VDAC2: variants seen among roughly 807,000 people sequenced by gnomAD.
The protein encoded by VDAC2 is non-selective voltage-gated ion channel VDAC2.
VDAC2 carries 6 observed loss-of-function variants against 36.6 expected under a neutral mutation model. That is an observed-to-expected ratio of 0.16 (90% confidence interval 0.09 to 0.32). The LOEUF (loss-of-function observed/expected upper bound fraction) is 0.32. Among genes scored for constraint, VDAC2 ranks in the 10% least tolerant of loss-of-function variants. The pLI, the probability that VDAC2 is intolerant of heterozygous loss-of-function variation, is 1.00. For missense variants in VDAC2, 247 were observed against 346.0 expected, an observed-to-expected ratio of 0.71 and a Z score of 2.27; for synonymous variants, 109 against 123.8, an observed-to-expected ratio of 0.88 and a Z score of 0.79.
At chr10:75,227,817 C>A (rs547044686) in intron 8 of VDAC2, among the ~76,000 whole-genome samples, 57 of 151,896 alleles carry the variant, frequency 3.8e-4, no homozygotes, top group Non-Finnish European at 6.3e-4. Flanking sequence ...GAACTCCTGA[C>A]CTTGTGATCC....
At chr10:75,216,342 A>C (rs1290009996) in intron 4 of VDAC2, among the ~76,000 whole-genome samples, 1 of 152,238 alleles carries the variant, frequency 6.6e-6, no homozygotes, top group Admixed American at 6.5e-5. Context: ...TTGGATAATC[A>C]AATCTTTGTT....
intron 4 of VDAC2, 110 bp downstream of exon 4, chr10:75,214,180 G>T: frequency 2.6e-6 from 3 of 1,158,024 alleles, no homozygotes; most frequent in South Asian, 2.7e-5. Flanking sequence ...AGAGGCAGAA[G>T]TTAACTTTGT....
intron 4 of VDAC2, among the ~76,000 whole-genome samples, chr10:75,217,143 G>C (rs1590001934): frequency 6.6e-6 from 1 of 152,150 alleles, no homozygotes; most frequent in African/African-American, 2.4e-5. Flanking sequence ...TGAAGTCCCA[G>C]CTACTTGGGA....
intron 6 of VDAC2, among the ~76,000 whole-genome samples, chr10:75,219,699 G>C (rs938109936): frequency 6.6e-6 from 1 of 151,526 alleles, no homozygotes; most frequent in African/African-American, 2.4e-5. Context: ...TGGCCAGGCT[G>C]TCCTGGAACT....
At chr10:75,230,874 T>G in intron 9 of VDAC2, 24 bp from the exon 10 acceptor site, 1 of 1,603,754 alleles carries the variant, frequency 6.2e-7, no homozygotes, top group South Asian at 1.1e-5. Flanking sequence ...GGTTTTTTGT[T>G]TTTGTGTTTT....
chr10:75,211,330 C>A, intron 2 of VDAC2, 141 bp downstream of exon 2: 1 of 1,412,340 alleles, frequency 7.1e-7, no homozygotes, highest in Non-Finnish European at 9.6e-7. Flanking sequence ...GTCTGACCAC[C>A]TCCTCTGCGG....
At chr10:75,216,233 A>G (rs1046958475) in intron 4 of VDAC2, among the ~76,000 whole-genome samples, 1 of 152,186 alleles carries the variant, frequency 6.6e-6, no homozygotes, top group South Asian at 2.1e-4. Context: ...AAGGCCTTCT[A>G]AAAAAGATTC....
intron 2 of VDAC2, 105 bp from the exon 3 acceptor site, chr10:75,212,125 A>C (rs1841442319): frequency 9.9e-7 from 1 of 1,013,096 alleles, no homozygotes; most frequent in Non-Finnish European, 1.5e-6. Context: ...ATTCCAACAA[A>C]TGGGATTGCT....
chr10:75,216,105 T>G (rs1217260294), intron 4 of VDAC2, among the ~76,000 whole-genome samples: 1 of 152,248 alleles, frequency 6.6e-6, no homozygotes. Flanking sequence ...AGGTGTTTAG[T>G]TATGATTGGA....
chr10:75,219,288 T>A lies in VDAC2; in HGVS notation c.304-16T>A. 1 of 1,582,092 alleles carries A rather than the reference T, an allele frequency of 6.3e-7. No individual in the cohort carries two copies. Among genetic ancestry groups the A allele is most frequent in the Non-Finnish European group, 8.6e-7 (1 of 1,167,428 alleles). On this transcript the variant is annotated splice_polypyrimidine_tract_variant and intron_variant, in intron 5 of 9. Coordinates refer to ENST00000332211, the MANE Select transcript of VDAC2 (RefSeq NM_001391963.1). ...ATTTCAAAAAAAGAAAACAAATTAC[T>A]TTTCTTTCAAAATAGATTTGTCAAG...
chr10:75,225,637 GA>G (rs1348354104), intron 8 of VDAC2, among the ~76,000 whole-genome samples: 1 of 152,180 alleles, frequency 6.6e-6, no homozygotes, highest in African/African-American at 2.4e-5. Flanking sequence ...AGGAAAAAAA[GA>G]ACAAAGTGTT....
chr10:75,229,395 C>T (rs1014838928), intron 8 of VDAC2: 9 of 327,078 alleles, frequency 2.8e-5, no homozygotes, highest in Admixed American at 1.0e-4. Flanking sequence ...GCTGTATGGA[C>T]AGTTTGGGGT....
chr10:75,231,018 A>G lies in VDAC2; in HGVS notation c.*29A>G, dbSNP rs1804199. On this transcript the variant is annotated 3_prime_UTR_variant, in exon 10 of 10. Coordinates refer to ENST00000332211, the MANE Select transcript of VDAC2 (RefSeq NM_001391963.1). The stretch of plus-strand genomic sequence containing the variant: ...AGCTGAAAGAAACCTTTGGGAATGG[A>G]TATCAGAAGATTTGGCCTTAATATA... The G allele has an allele frequency of 4.9e-3, 7,589 of 1,556,922 alleles. 226 individuals carry two copies. The East Asian group carries it at 0.064, about 13-fold the overall frequency.
chr10:75,230,467 T>C (rs1842070380), intron 9 of VDAC2, among the ~76,000 whole-genome samples: 1 of 152,202 alleles, frequency 6.6e-6, no homozygotes, highest in Admixed American at 6.5e-5. Flanking sequence ...CATTTTTCTT[T>C]ATAAGCACAA....
chr10:75,221,442 C>A (rs562934666), intron 7 of VDAC2, among the ~76,000 whole-genome samples: 1 of 152,146 alleles, frequency 6.6e-6, no homozygotes, highest in Admixed American at 6.5e-5. Context: ...AAACAATTCT[C>A]CTGCCTCAAC....
chr10:75,226,474 T>TTTA (rs1841956469), intron 8 of VDAC2, among the ~76,000 whole-genome samples: 3 of 130,594 alleles, frequency 2.3e-5, no homozygotes, highest in African/African-American at 8.0e-5. Flanking sequence ...TTTTTTTTTT[T>TTTA]AATGAAATCT....
chr10:75,223,596 A>G (rs907886129), intron 8 of VDAC2, among the ~76,000 whole-genome samples: 1 of 152,204 alleles, frequency 6.6e-6, no homozygotes, highest in African/African-American at 2.4e-5. Context: ...ATTAGGAAGT[A>G]TATATTTGGT....
intron 4 of VDAC2, among the ~76,000 whole-genome samples, chr10:75,218,693 C>T (rs1477400022): frequency 6.6e-6 from 1 of 151,412 alleles, no homozygotes; most frequent in African/African-American, 2.4e-5. Context: ...ACCTGGAAGG[C>T]GGAGGTTGCA....
intron 8 of VDAC2, among the ~76,000 whole-genome samples, chr10:75,227,251 G>C (rs1224443477): frequency 2.6e-5 from 4 of 152,206 alleles, no homozygotes; most frequent in Non-Finnish European, 5.9e-5. Context: ...TTGAACCCCA[G>C]GGGGTTGTGG....
Sources: allele counts gnomAD v4.1 joint callset (sites outside exome capture counted in the v4.1 genomes callset), GRCh38; gene constraint gnomAD v4.1.1; transcripts MANE v1.5; gene names NCBI Gene and HGNC (gene_info 2026-07-23, HGNC 2026-07-21).